FGF12: variants seen among roughly 807,000 people sequenced by gnomAD.
The protein encoded by FGF12 is fibroblast growth factor 12, also known as fibroblast growth factor 12B.
FGF12 carries 14 observed loss-of-function variants against 23.6 expected under a neutral mutation model. The observed-to-expected ratio is 0.59, with a 90% CI of 0.39 to 0.93. FGF12 has a LOEUF of 0.93. Ranked by LOEUF, FGF12 falls within the 40% of genes least tolerant of loss-of-function variation. FGF12 has a pLI of 0.00. For synonymous variants in FGF12, 62 were observed against 77.3 expected, an observed-to-expected ratio of 0.80 and a Z score of 1.04; for missense variants, 175 against 217.8, an observed-to-expected ratio of 0.80 and a Z score of 1.24.
In FGF12 at chr3:192,408,117, T is replaced by C; in HGVS notation, c.14-47579A>G. ...GTGCCTCTCGCACAGGGAGCGCCCGTCTTTGCTGGGGCTGGAGCGGCGCTT... is the reference window on the plus strand; with the variant it reads ...GTGCCTCTCGCACAGGGAGCGCCCGCCTTTGCTGGGGCTGGAGCGGCGCTT... On this transcript the variant is annotated intron_variant, in intron 2 of 5. Transcript: ENST00000445105. This position sits in a 1 kb window ranked among gnomAD's most constrained non-coding sequence, Gnocchi z 7.3. 6.2e-7 allele frequency: 1 copy of C among 1,613,096 alleles called. No individual in the cohort carries two copies. The highest frequency in any genetic ancestry group is 8.5e-7 in the Non-Finnish European group (1 of 1,179,998).
At chr3:192,496,121 T>C (rs1723948723) in intron 2 of FGF12, among the ~76,000 whole-genome samples, 1 of 152,212 alleles carries the variant, frequency 6.6e-6, no homozygotes, top group Non-Finnish European at 1.5e-5. Context: ...GCTATGATCA[T>C]TCTTAATAGG....
intron 4 of FGF12, among the ~76,000 whole-genome samples, chr3:192,303,163 G>A (rs1336392509): frequency 6.6e-6 from 1 of 152,128 alleles, no homozygotes; most frequent in African/African-American, 2.4e-5. Context: ...TAATTGCAAT[G>A]TACTTTTTCT....
In FGF12 at chr3:192,638,026, T is replaced by C. The variant is rs560240908; in HGVS notation, c.13+89155A>G. On this transcript the variant is annotated intron_variant, in intron 2 of 5. Transcript: ENST00000445105. ...CATATTATAACATGCTGGCTGGCTT[T>C]CACATTATTGCAAGTGAGCCTTAAA... Among the ~76,000 whole-genome samples the C allele has an allele frequency of 1.5e-3, 222 of 152,332 alleles. 2 individuals carry two copies. The highest frequency in any genetic ancestry group is 3.2e-3 in the Admixed American group (49 of 15,300).
chr3:192,286,804 T>C (rs1242021988), intron 4 of FGF12, among the ~76,000 whole-genome samples: 1 of 152,014 alleles, frequency 6.6e-6, no homozygotes, highest in African/African-American at 2.4e-5. Context: ...AGTTCCATGA[T>C]AGCAGAGGGT....
chr3:192,540,291 T>C (rs1725333741), intron 2 of FGF12, among the ~76,000 whole-genome samples: 1 of 152,144 alleles, frequency 6.6e-6, no homozygotes, highest in Non-Finnish European at 1.5e-5. Flanking sequence ...TAAGCTTTTC[T>C]CTTAGTACCG....
At chr3:192,580,276 A>T (rs761377858) in intron 2 of FGF12, among the ~76,000 whole-genome samples, 8 of 152,072 alleles carry the variant, frequency 5.3e-5, no homozygotes, top group Admixed American at 1.3e-4. Flanking sequence ...AATGTGCGGT[A>T]TTAGAAGAAG....
At position 192,572,123 on chromosome 3, in the gene FGF12, G is replaced by T. The variant is rs142066813; in HGVS notation, c.13+155058C>A. Among the ~76,000 whole-genome samples, 263 of 152,188 alleles carry T rather than the reference G, an allele frequency of 1.7e-3. 9 individuals are homozygous for T. In the East Asian group the frequency reaches 0.029, roughly 17 times the overall value. On this transcript the variant is annotated intron_variant, in intron 2 of 5. Coordinates refer to ENST00000445105, the MANE Select transcript of FGF12 (RefSeq NM_004113.6). ...ACCTTCTCATAGTAATCCAGATCCT[G>T]GATGGAAGCTTTTAATAAACACAAC...
chr3:192,354,770 A>G (rs1464341650), intron 3 of FGF12, among the ~76,000 whole-genome samples: 1 of 152,210 alleles, frequency 6.6e-6, no homozygotes, highest in East Asian at 1.9e-4. Context: ...CAGTGGCACA[A>G]TCTCTGCTCA....
At chr3:192,439,618 G>A (rs1722134099) in intron 2 of FGF12, among the ~76,000 whole-genome samples, 1 of 152,168 alleles carries the variant, frequency 6.6e-6, no homozygotes, top group Non-Finnish European at 1.5e-5. Context: ...AGAGACAGGT[G>A]GGAATAAATC....
intron 2 of FGF12, among the ~76,000 whole-genome samples, chr3:192,650,274 A>AG (rs1367486924): frequency 1.3e-5 from 2 of 152,158 alleles, no homozygotes; most frequent in African/African-American, 2.4e-5. Context: ...TTTCAACCTC[A>AG]GTTTCTACTA....
intron 2 of FGF12, among the ~76,000 whole-genome samples, chr3:192,627,953 G>GGATA (rs1317435780): frequency 6.6e-6 from 1 of 151,720 alleles, no homozygotes; most frequent in African/African-American, 2.4e-5. Context: ...TTTTGTCACA[G>GGATA]GTATCTTTTA....
intron 2 of FGF12, among the ~76,000 whole-genome samples, chr3:192,499,783 T>C (rs1272875734): frequency 2.0e-5 from 3 of 151,492 alleles, no homozygotes; most frequent in African/African-American, 7.3e-5. Context: ...CTCCTGACCT[T>C]GTGATCCGCC....
chr3:192,724,675 C>T (rs188449777), intron 2 of FGF12, among the ~76,000 whole-genome samples: 61 of 152,266 alleles, frequency 4.0e-4, no homozygotes, highest in Middle Eastern at 3.4e-3. Flanking sequence ...GATGTATTTT[C>T]CTCTCTTCTT....
At position 192,471,562 on chromosome 3, in the gene FGF12, A is replaced by C. The variant is rs558081875; in HGVS notation, c.14-111024T>G. On this transcript the variant is annotated intron_variant, in intron 2 of 5. Transcript: ENST00000445105. ...ATTTTATTTCACTGATTTAAATGCT[A>C]GGCACAAAAGCTCTTCAAGTGGTCA... Among the ~76,000 whole-genome samples the C allele has an allele frequency of 1.2e-3, 184 of 152,358 alleles. 1 individual carries two copies. The highest frequency in any genetic ancestry group is 4.2e-3 in the African/African-American group (174 of 41,592).
At chr3:192,497,608 T>G (rs1200502262) in intron 2 of FGF12, among the ~76,000 whole-genome samples, 1 of 152,220 alleles carries the variant, frequency 6.6e-6, no homozygotes, top group Non-Finnish European at 1.5e-5. Flanking sequence ...CTGCTCTTCT[T>G]GCCCCTCTTT....
chr3:192,513,990 T>C (rs1409783457), intron 2 of FGF12, among the ~76,000 whole-genome samples: 1 of 152,226 alleles, frequency 6.6e-6, no homozygotes, highest in Non-Finnish European at 1.5e-5. Flanking sequence ...TATTTGATAT[T>C]AGTTTGGTGG....
At chr3:192,439,118 G>C (rs138985841) in intron 2 of FGF12, among the ~76,000 whole-genome samples, 7 of 152,298 alleles carry the variant, frequency 4.6e-5, no homozygotes, top group African/African-American at 1.7e-4. Flanking sequence ...AAGGCAATCA[G>C]ATTCAGATTT....
Position 192,191,413 on chromosome 3 carries a change from T to C in FGF12, c.229-20757A>G, listed in dbSNP as rs114140890. ...GATATGTCAGTGCAGGGTCATACATTGTAACTAATGTGCCACTAATGCAGA... is the reference window on the plus strand; with the variant it reads ...GATATGTCAGTGCAGGGTCATACATCGTAACTAATGTGCCACTAATGCAGA... On this transcript the variant is annotated intron_variant, in intron 4 of 5. Transcript: ENST00000445105. 9.3e-3 allele frequency among the ~76,000 whole-genome samples: 1,424 copies of C among 152,322 alleles called. 25 individuals are homozygous for C. Among genetic ancestry groups the C allele is most frequent in the African/African-American group, 0.033 (1,355 of 41,562 alleles).
At chr3:192,292,195 T>A (rs557389526) in intron 4 of FGF12, among the ~76,000 whole-genome samples, 8 of 152,330 alleles carry the variant, frequency 5.3e-5, no homozygotes, top group Admixed American at 2.0e-4. Flanking sequence ...GTTACTTTGT[T>A]CACATATGGA....
Sources: allele counts gnomAD v4.1 joint callset (sites outside exome capture counted in the v4.1 genomes callset), GRCh38; gene constraint gnomAD v4.1.1; non-coding constraint Gnocchi (gnomAD v3.1); transcripts MANE v1.5; gene names NCBI Gene and HGNC (gene_info 2026-07-23, HGNC 2026-07-21).